The following GAB2 variants were observed in gnomAD, a reference collection of about 807,000 sequenced individuals.
The protein encoded by GAB2 is GRB2 associated binding protein 2.
GAB2 carries 26 observed loss-of-function variants against 65.5 expected under a neutral mutation model. The observed-to-expected ratio is 0.40, with a 90% confidence interval of 0.29 to 0.55. The LOEUF (loss-of-function observed/expected upper bound fraction) is 0.55. Among genes scored for constraint, GAB2 ranks in the 20% least tolerant of loss-of-function variants. GAB2 has a pLI of 0.53. For synonymous variants in GAB2, 321 were observed against 329.6 expected, an observed-to-expected ratio of 0.97 and a Z score of 0.28; for missense variants, 884 against 875.8, an observed-to-expected ratio of 1.01 and a Z score of -0.12.
At chr11:78,395,613 C>T (rs1856886368) in intron 1 of GAB2, among the ~76,000 whole-genome samples, 1 of 152,186 alleles carries the variant, frequency 6.6e-6, no homozygotes, top group South Asian at 2.1e-4. Flanking sequence ...GTGAACTCTG[C>T]CTAAGGTATC....
intron 1 of GAB2, among the ~76,000 whole-genome samples, chr11:78,379,039 G>A (rs755339130): frequency 7.9e-5 from 12 of 152,196 alleles, no homozygotes; most frequent in Non-Finnish European, 1.6e-4. Flanking sequence ...GGAGAAAGGA[G>A]ATGAATTTAA....
At chr11:78,330,902 A>AATGGCTC (rs1212150386) in intron 1 of GAB2, among the ~76,000 whole-genome samples, 9 of 151,702 alleles carry the variant, frequency 5.9e-5, no homozygotes, top group Non-Finnish European at 1.3e-4. Flanking sequence ...GGCTAGGTGC[A>AATGGCTC]ATGGCTCATG....
chr11:78,407,047 T>C (rs1857054434), intron 1 of GAB2, among the ~76,000 whole-genome samples: 1 of 151,776 alleles, frequency 6.6e-6, no homozygotes, highest in Non-Finnish European at 1.5e-5. Context: ...TAACCTAATA[T>C]GAACAACACA....
intron 1 of GAB2, among the ~76,000 whole-genome samples, chr11:78,309,472 T>C (rs1232751142): frequency 6.6e-6 from 1 of 151,506 alleles, no homozygotes; most frequent in Non-Finnish European, 1.5e-5. Context: ...GCCTTTTTTT[T>C]TTTTTTTTTT....
At chr11:78,329,357 C>G (rs1168702465) in intron 1 of GAB2, among the ~76,000 whole-genome samples, 1 of 152,154 alleles carries the variant, frequency 6.6e-6, no homozygotes, top group Non-Finnish European at 1.5e-5. Context: ...ATGGCCCTTT[C>G]ATATTTATCC....
At chr11:78,315,499 C>T (rs879338336) in intron 1 of GAB2, among the ~76,000 whole-genome samples, 12 of 152,040 alleles carry the variant, frequency 7.9e-5, no homozygotes, top group Non-Finnish European at 1.8e-4. Context: ...GACCCTTATA[C>T]CATATACAAA....
chr11:78,350,534 C>A (rs549815424), intron 1 of GAB2, among the ~76,000 whole-genome samples: 100 of 152,310 alleles, frequency 6.6e-4, no homozygotes, highest in African/African-American at 2.3e-3. Context: ...TTTCTGAAAT[C>A]TGTTATAAAG....
At chr11:78,269,420 C>T (rs1865954974) in intron 2 of GAB2, among the ~76,000 whole-genome samples, 1 of 152,182 alleles carries the variant, frequency 6.6e-6, no homozygotes, top group South Asian at 2.1e-4. Flanking sequence ...CTCTGTCTCT[C>T]TTTTCATGGT....
At chr11:78,252,332 C>T (rs1865478393) in intron 2 of GAB2, among the ~76,000 whole-genome samples, 1 of 152,238 alleles carries the variant, frequency 6.6e-6, no homozygotes, top group Non-Finnish European at 1.5e-5. Context: ...ACAAGTCTTT[C>T]AGTAAACTGG....
chr11:78,226,360 T>G, intron 4 of GAB2, 105 bp downstream of exon 4: 1 of 887,808 alleles, frequency 1.1e-6, no homozygotes, highest in Non-Finnish European at 1.9e-6. Context: ...ACCTAGGTGG[T>G]TCGTAAGTTC....
intron 1 of GAB2, among the ~76,000 whole-genome samples, chr11:78,283,742 C>T (rs780716688): frequency 6.6e-6 from 1 of 152,158 alleles, no homozygotes; most frequent in Non-Finnish European, 1.5e-5. Context: ...CTCTTTGAAA[C>T]ACTTTCTTCA....
At chr11:78,231,336 G>GTGTGTGTGTGTGTGTGTGTGTGT (rs1554975133) in intron 3 of GAB2, among the ~76,000 whole-genome samples, 1 of 145,794 alleles carries the variant, frequency 6.9e-6, no homozygotes, top group African/African-American at 2.6e-5. Flanking sequence ...GCGCGTGTGT[G>GTGTGTGTGTGTGTGTGTGTGTGT]GTGTGTGTGT....
intron 1 of GAB2, among the ~76,000 whole-genome samples, chr11:78,340,379 C>T (rs1393179075): frequency 6.6e-6 from 1 of 152,078 alleles, no homozygotes; most frequent in Non-Finnish European, 1.5e-5. Flanking sequence ...AATGATGTTG[C>T]CCTAAGTGAC....
chr11:78,293,032 G>C (rs944041374), intron 1 of GAB2, among the ~76,000 whole-genome samples: 1 of 152,196 alleles, frequency 6.6e-6, no homozygotes, highest in African/African-American at 2.4e-5. Context: ...ACTACACTTT[G>C]AGAAACACTG....
intron 1 of GAB2, among the ~76,000 whole-genome samples, chr11:78,358,054 A>G (rs1277442445): frequency 6.6e-6 from 1 of 152,184 alleles, no homozygotes; most frequent in African/African-American, 2.4e-5. Flanking sequence ...CCAAATGTCC[A>G]TCAATGATAG....
intron 1 of GAB2, among the ~76,000 whole-genome samples, chr11:78,308,176 A>C (rs1433759353): frequency 2.6e-5 from 4 of 152,170 alleles, no homozygotes; most frequent in Admixed American, 2.0e-4. Context: ...GAGTATAAAT[A>C]ATTATGAAAA....
intron 1 of GAB2, among the ~76,000 whole-genome samples, chr11:78,374,842 A>T (rs1478114409): frequency 1.3e-5 from 2 of 152,196 alleles, no homozygotes; most frequent in African/African-American, 4.8e-5. Context: ...TCTATGCATA[A>T]AACAAGGTGG....
At chr11:78,401,520 G>C (rs1192717223) in intron 1 of GAB2, among the ~76,000 whole-genome samples, 5 of 149,264 alleles carry the variant, frequency 3.3e-5, no homozygotes, top group African/African-American at 1.2e-4. Flanking sequence ...GTGTGTGTGT[G>C]TGTGTGTGTG....
chr11:78,219,526 G>C, intron 9 of GAB2, 111 bp from the exon 10 acceptor site: 1 of 938,552 alleles, frequency 1.1e-6, no homozygotes, highest in South Asian at 1.5e-5. Flanking sequence ...GAAGAGCATG[G>C]CCTCTGCCTG....
Sources: gnomAD v4.1 joint callset for allele counts (sites outside exome capture counted in the v4.1 genomes callset) on GRCh38, gnomAD v4.1.1 for gene constraint, MANE v1.5 for transcripts, NCBI Gene and HGNC (gene_info 2026-07-23, HGNC 2026-07-21) for gene names.